Variants in DYNC1LI1 observed in about 807,000 individuals in gnomAD.
The protein encoded by DYNC1LI1 is dynein cytoplasmic 1 light intermediate chain 1, also known as cytoplasmic dynein 1 light intermediate chain 1.
In DYNC1LI1, 19 loss-of-function variants were observed where a neutral mutation model predicts 63.8. That is an observed-to-expected ratio of 0.30 (90% CI 0.21 to 0.44). The LOEUF (loss-of-function observed/expected upper bound fraction) is 0.44, where lower values mean the gene tolerates loss of function less well. Ranked by LOEUF, DYNC1LI1 falls within the 20% of genes least tolerant of loss-of-function variation. The probability of loss-of-function intolerance (pLI) is 1.00; values close to 1 mark genes in which losing one functional copy is unlikely to be tolerated. For synonymous variants in DYNC1LI1, 225 were observed against 232.3 expected, an observed-to-expected ratio of 0.97 and a Z score of 0.28; for missense variants, 565 against 630.2, an observed-to-expected ratio of 0.90 and a Z score of 1.11.
intron 2 of DYNC1LI1, among the ~76,000 whole-genome samples, chr3:32,551,743 T>C (rs762295840): frequency 2.6e-5 from 4 of 152,200 alleles, no homozygotes; most frequent in Non-Finnish European, 5.9e-5. Context: ...CAGAGAAGAC[T>C]GCCTGGCTAT....
chr3:32,553,951 C>T lies in DYNC1LI1; in HGVS notation c.221-7986G>A, dbSNP rs575502296. On this transcript the variant is annotated intron_variant, in intron 2 of 12. Transcript: ENST00000273130. Reference sequence around the variant, plus strand: ...AGCCATGGTGGCTCAGGGCTGTTGTCCTGGTGCATAAGGAGGCAAGGCTAG... The same window carrying T: ...AGCCATGGTGGCTCAGGGCTGTTGTTCTGGTGCATAAGGAGGCAAGGCTAG... Among the ~76,000 whole-genome samples the T allele has an allele frequency of 3.4e-4, 52 of 152,320 alleles. 1 individual carries two copies. The South Asian group carries it at 0.01, about 30-fold the overall frequency.
intron 3 of DYNC1LI1, chr3:32,545,397 CTTGT>C (rs748873507): frequency 4.6e-6 from 2 of 436,626 alleles, no homozygotes; most frequent in South Asian, 3.0e-5. Flanking sequence ...GGATGCATAA[CTTGT>C]TTATGTTTTT....
At position 32,528,324 on chromosome 3, in the gene DYNC1LI1, T is replaced by C. The variant is rs552004654; in HGVS notation, c.1462+122A>G. On this transcript the variant is annotated intron_variant, in intron 12 of 12. Transcript: ENST00000273130. ...ATGTTCTAAAATCAGATTATGGTGA[T>C]GGCCTGCCCAACTTAGCAAAGATAC... 9.0e-4 allele frequency: 922 copies of C among 1,026,684 alleles called. 16 individuals carry two copies. The South Asian group carries it at 0.013, about 14-fold the overall frequency. 63.6% of individuals were successfully genotyped at this position (1,026,684 alleles called of 1,614,324 possible). A position where few individuals can be genotyped will look rare whatever the true frequency, so the allele number is the denominator to read the frequency against.
At chr3:32,555,842 ATAAAGCAAATG>A (rs1698107844) in intron 2 of DYNC1LI1, among the ~76,000 whole-genome samples, 1 of 152,226 alleles carries the variant, frequency 6.6e-6, no homozygotes, top group South Asian at 2.1e-4. Context: ...GACACATGTG[ATAAAGCAAATG>A]TAATTAAATG....
chr3:32,537,158 A>G, intron 5 of DYNC1LI1, 54 bp from the exon 6 acceptor site: 1 of 1,025,258 alleles, frequency 9.8e-7, no homozygotes, highest in East Asian at 2.8e-5. Context: ...ATAACTAAAT[A>G]TAGTAATTTA....
chr3:32,534,383 G>A (rs1697746633), intron 7 of DYNC1LI1, 128 bp downstream of exon 7: 1 of 685,218 alleles, frequency 1.5e-6, no homozygotes, highest in Non-Finnish European at 2.4e-6. Context: ...AACAATCTAG[G>A]AACAGATAGA....
In DYNC1LI1 at chr3:32,570,418, A is replaced by T; in HGVS notation, c.148T>A (p.Ser50Thr). The T allele has an allele frequency of 6.3e-7, 1 of 1,599,226 alleles. No homozygotes were observed. The highest frequency in any genetic ancestry group is 8.5e-7 in the Non-Finnish European group (1 of 1,174,724). The stretch of plus-strand genomic sequence containing the variant: ...GTGGAGACCTCGCTGAGGATGCAGG[A>T]CCTAACGGGAAGCAAGGCGTACGGT... ...GDDEDGQNLWSCILSEVSTRS... is the reference protein window; with the variant it reads ...GDDEDGQNLWTCILSEVSTRS... The change falls in exon 2 of 13, where the codon TCC becomes ACC. Residue 50 changes from serine to threonine, a missense_variant and splice_region_variant. Ser to Thr is a moderately conservative substitution (Grantham distance 58). Transcript: ENST00000273130.
chr3:32,558,861 T>A (rs966187572), intron 2 of DYNC1LI1, among the ~76,000 whole-genome samples: 7 of 148,728 alleles, frequency 4.7e-5, no homozygotes, highest in African/African-American at 9.9e-5. Context: ...AAAAAAAAAA[T>A]AATAACAACA....
At chr3:32,529,419 A>C in intron 11 of DYNC1LI1, 121 bp downstream of exon 11, 1 of 877,464 alleles carries the variant, frequency 1.1e-6, no homozygotes, top group Non-Finnish European at 1.6e-6. Context: ...ATATCCATAG[A>C]GACAAAGCCT....
chr3:32,562,229 C>T (rs867517590), intron 2 of DYNC1LI1, among the ~76,000 whole-genome samples: 1 of 152,196 alleles, frequency 6.6e-6, no homozygotes, highest in Non-Finnish European at 1.5e-5. Context: ...CACTACCGCA[C>T]TCCAGCCTGG....
At chr3:32,567,703 C>CTTT (rs749073673) in intron 2 of DYNC1LI1, among the ~76,000 whole-genome samples, 4 of 122,150 alleles carry the variant, frequency 3.3e-5, no homozygotes, top group Admixed American at 8.3e-5. Flanking sequence ...CATACCCGGC[C>CTTT]TTTTTTTTTT....
rs765703032 is a variant in DYNC1LI1 at position 32,537,098 on chromosome 3, C to T, written c.745G>A (p.Ala249Thr). ...PVLVVCTKCDAISVLEKEHDY... is the reference protein window; with the variant it reads ...PVLVVCTKCDTISVLEKEHDY... ...TGTTCTTTCTCCAATACACTAATGG[C>T]ATCACACTGTTAAGTTAAAATAATT... The change falls in exon 6 of 13, where the codon GCC becomes ACC. Residue 249 changes from alanine (A) to threonine (T), a missense_variant. Transcript: ENST00000273130. 4 of 1,536,142 alleles carry T rather than the reference C, an allele frequency of 2.6e-6. No homozygotes were observed. Among genetic ancestry groups the T allele is most frequent in the Non-Finnish European group, 3.5e-6 (4 of 1,132,162 alleles).
intron 12 of DYNC1LI1, among the ~76,000 whole-genome samples, chr3:32,527,457 C>T (rs1202312651): frequency 6.6e-6 from 1 of 151,026 alleles, no homozygotes; most frequent in African/African-American, 2.4e-5. Flanking sequence ...CAGAAAATAG[C>T]AACAAAAATG....
At chr3:32,570,155 G>A (rs1425147503) in intron 2 of DYNC1LI1, 191 bp downstream of exon 2, 3 of 698,166 alleles carry the variant, frequency 4.3e-6, no homozygotes, top group East Asian at 2.7e-5. Flanking sequence ...GGGAGGGCGG[G>A]TCCCCGCAGG....
Position 32,533,000 on chromosome 3 carries a change from G to T in DYNC1LI1, c.1066C>A (p.Pro356Thr). ...AAAATGGTTACCTTTCGAACAGGTG[G>T]TTTAGTTATGATGTCTTCAAAATTA... The part of the protein sequence containing the change: ...EDNFEDIITK[P>T]PVRKFVHEKE... Residue 356 changes from proline (P) to threonine (T), a missense_variant, in exon 8 of 13, where the codon CCA becomes ACA. Transcript: ENST00000273130. 6.3e-7 allele frequency: 1 copy of T among 1,582,460 alleles called. No individual in the cohort carries two copies.
At chr3:32,557,025 C>T (rs1294732841) in intron 2 of DYNC1LI1, among the ~76,000 whole-genome samples, 1 of 152,198 alleles carries the variant, frequency 6.6e-6, no homozygotes, top group Non-Finnish European at 1.5e-5. Context: ...ATTCCTCCTT[C>T]ACTAAACTTA....
rs1697878774 is a variant in DYNC1LI1, at chr3:32,541,281, T to C, written c.569-75A>G. The C allele has an allele frequency of 3.1e-6, 3 of 974,362 alleles. No homozygotes were observed. The East Asian group carries it at 7.8e-5, about 25-fold the overall frequency. The allele number at this position is 974,362 out of a possible 1,614,324, so 60.4% of individuals were successfully genotyped here. ...AACTTTTCTTGCCATAATCTAAAGA[T>C]AAAATTTACTCGAATTTATACTTAG... On this transcript the variant is annotated intron_variant, in intron 4 of 12. Coordinates refer to ENST00000273130, the MANE Select transcript of DYNC1LI1 (RefSeq NM_016141.4).
At position 32,551,760 on chromosome 3, in the gene DYNC1LI1, A is replaced by G. The variant is rs192361844; in HGVS notation, c.221-5795T>C. ...GAGAAGACTGCCTGGCTATAACTTC[A>G]GAAACACCATCCTCTTTACCAGCTG... On this transcript the variant is annotated intron_variant, in intron 2 of 12. Coordinates refer to ENST00000273130, the MANE Select transcript of DYNC1LI1 (RefSeq NM_016141.4). Among the ~76,000 whole-genome samples the G allele has an allele frequency of 1.6e-3, 239 of 152,330 alleles. 1 individual carries two copies. The highest frequency in any genetic ancestry group is 5.5e-3 in the African/African-American group (230 of 41,574).
At chr3:32,534,804 A>G (rs1466857423) in intron 6 of DYNC1LI1, among the ~76,000 whole-genome samples, 158 bp from the exon 7 acceptor site, 1 of 152,232 alleles carries the variant, frequency 6.6e-6, no homozygotes, top group African/African-American at 2.4e-5. Flanking sequence ...AAAGTAAAAA[A>G]TACTACCTTC....
Sources: allele counts gnomAD v4.1 joint callset (sites outside exome capture counted in the v4.1 genomes callset), GRCh38; gene constraint gnomAD v4.1.1; transcripts MANE v1.5; gene names NCBI Gene and HGNC (gene_info 2026-07-23, HGNC 2026-07-21).